The following ALK variants were observed in gnomAD, a reference collection of about 807,000 sequenced individuals.
The protein encoded by ALK is ALK receptor tyrosine kinase, also known as ALK tyrosine kinase receptor.
ALK carries 74 observed loss-of-function variants against 163.1 expected under a neutral mutation model. The observed-to-expected ratio is 0.45, with a 90% CI of 0.38 to 0.55. The LOEUF is 0.55. Ranked by LOEUF, ALK falls within the 20% of genes least tolerant of loss-of-function variation. ALK has a pLI of 0.00. For missense variants in ALK, 2,063 were observed against 2,105.3 expected (o/e 0.98, Z 0.39); for synonymous variants, 960 against 843.2 (o/e 1.14, Z -2.40).
chr2:29,881,495 T>C (rs931613674), intron 1 of ALK, among the ~76,000 whole-genome samples: 21 of 152,192 alleles, frequency 1.4e-4, no homozygotes, highest in South Asian at 2.1e-4. Flanking sequence ...GCAAAGGGCA[T>C]GGTGGCATTG....
At chr2:29,387,983 T>C (rs1234072789) in intron 4 of ALK, among the ~76,000 whole-genome samples, 1 of 152,214 alleles carries the variant, frequency 6.6e-6, no homozygotes, top group African/African-American at 2.4e-5. Flanking sequence ...TATGTCTACT[T>C]AGCATTGCTG....
chr2:29,387,718 A>G (rs1012286899), intron 4 of ALK, among the ~76,000 whole-genome samples: 1 of 152,230 alleles, frequency 6.6e-6, no homozygotes, highest in African/African-American at 2.4e-5. Flanking sequence ...TGGACAAATA[A>G]TATCCCACAG....
intron 4 of ALK, among the ~76,000 whole-genome samples, chr2:29,510,853 G>GTCTTCAGAAGTC (rs1254387840): frequency 1.3e-5 from 2 of 152,156 alleles, no homozygotes; most frequent in East Asian, 3.9e-4. Context: ...CATGAGGAAG[G>GTCTTCAGAAGTC]TGATTCGTGA....
rs146378227 is a variant in ALK, at chr2:29,720,673, A to G, written c.668-2976T>C. ...AAGTTCACAGAATACACATCAATGT[A>G]GAATATAAAGAACAAAATACTTCTG... On this transcript the variant is annotated intron_variant, in intron 1 of 28. Coordinates refer to ENST00000389048, the MANE Select transcript of ALK (RefSeq NM_004304.5). 1.1e-4 allele frequency among the ~76,000 whole-genome samples: 16 copies of G among 152,368 alleles called. No homozygotes were observed. The East Asian group carries it at 2.9e-3, about 28-fold the overall frequency.
At chr2:29,392,832 G>A (rs1298961175) in intron 4 of ALK, among the ~76,000 whole-genome samples, 2 of 152,200 alleles carry the variant, frequency 1.3e-5, no homozygotes, top group Non-Finnish European at 2.9e-5. Context: ...TTTACATGCC[G>A]TGAAATACCC....
chr2:29,267,712 C>T lies in ALK; in HGVS notation c.2041+7387G>A, dbSNP rs542230980. Among the ~76,000 whole-genome samples, 269 of 152,278 alleles carry T rather than the reference C, an allele frequency of 1.8e-3. 2 individuals carry two copies. Among genetic ancestry groups the T allele is most frequent in the African/African-American group, 6.2e-3 (257 of 41,546 alleles). Reference sequence around the variant, plus strand: ...TTTTACTCCTAGATTCACTGTCCACCTCCAGGCCCGGATGAATTAAAAAAA... The same window carrying T: ...TTTTACTCCTAGATTCACTGTCCACTTCCAGGCCCGGATGAATTAAAAAAA... On this transcript the variant is annotated intron_variant, in intron 11 of 28. Coordinates refer to ENST00000389048, the MANE Select transcript of ALK (RefSeq NM_004304.5).
intron 2 of ALK, among the ~76,000 whole-genome samples, chr2:29,716,410 G>A (rs1367720440): frequency 6.6e-6 from 1 of 152,208 alleles, no homozygotes; most frequent in African/African-American, 2.4e-5. Context: ...GTTCACCCTA[G>A]AGGAGTTCAA....
At chr2:29,812,714 G>A (rs991638623) in intron 1 of ALK, among the ~76,000 whole-genome samples, 4 of 152,106 alleles carry the variant, frequency 2.6e-5, no homozygotes, top group South Asian at 2.1e-4. Flanking sequence ...AGGGGAGAAG[G>A]TCACCTGTCC....
At chr2:29,295,939 G>C (rs1378679560) in intron 9 of ALK, among the ~76,000 whole-genome samples, 1 of 152,184 alleles carries the variant, frequency 6.6e-6, no homozygotes, top group Non-Finnish European at 1.5e-5. Flanking sequence ...GTCTGGAACA[G>C]ATCAGCACCC....
At chr2:29,326,398 C>T (rs1177378173) in intron 6 of ALK, among the ~76,000 whole-genome samples, 1 of 152,166 alleles carries the variant, frequency 6.6e-6, no homozygotes, top group African/African-American at 2.4e-5. Context: ...ATGGCCTGCC[C>T]GACCTGTGTC....
chr2:29,221,128 G>A, intron 22 of ALK: 1 of 576,802 alleles, frequency 1.7e-6, no homozygotes. Flanking sequence ...GGGCAGGAGA[G>A]TGTCTTTCTC....
chr2:29,256,714 G>A (rs1204044175), intron 11 of ALK, among the ~76,000 whole-genome samples: 1 of 152,090 alleles, frequency 6.6e-6, no homozygotes, highest in Admixed American at 6.5e-5. Context: ...CCACTATGAG[G>A]GGACAGGTGA....
Position 29,226,987 on chromosome 2 carries a change from C to A in ALK, c.3002G>T (p.Ser1001Ile), listed in dbSNP as rs997289275. Residue 1001 changes from serine (S) to isoleucine (I), a missense_variant, in exon 18 of 29, where the codon AGC becomes ATC. This residue lies in a region of ALK where 575 missense variants were observed against 626.6 expected (regional missense o/e 0.92). Coordinates refer to ENST00000389048, the MANE Select transcript of ALK (RefSeq NM_004304.5). ...EVDECHMDPESHKVICFCDHG... is the reference protein window; with the variant it reads ...EVDECHMDPEIHKVICFCDHG... ...GTCACAGAAGCAGATGACCTTGTGGCTTTCAGGGTCCATGTGACATTCGTC... is the reference window on the plus strand; with the variant it reads ...GTCACAGAAGCAGATGACCTTGTGGATTTCAGGGTCCATGTGACATTCGTC... 1 of 1,614,200 alleles carries A rather than the reference C, an allele frequency of 6.2e-7. No homozygotes were observed. Among genetic ancestry groups the A allele is most frequent in the South Asian group, 1.1e-5 (1 of 91,086 alleles).
At chr2:29,919,842 G>T (rs758418424) in intron 1 of ALK, 151 bp downstream of exon 1, 7 of 991,714 alleles carry the variant, frequency 7.1e-6, no homozygotes, top group South Asian at 1.7e-5. Context: ...ACTACGGTCT[G>T]ATTCGGGAAG....
chr2:29,884,377 A>G (rs1400914491), intron 1 of ALK, among the ~76,000 whole-genome samples: 2 of 152,192 alleles, frequency 1.3e-5, no homozygotes, highest in Non-Finnish European at 2.9e-5. Flanking sequence ...TACAAGAAAA[A>G]GATGAATTGC....
intron 3 of ALK, among the ~76,000 whole-genome samples, chr2:29,606,397 T>C (rs565405219): frequency 2.0e-5 from 3 of 152,202 alleles, no homozygotes; most frequent in Non-Finnish European, 4.4e-5. Flanking sequence ...AGAAATGGGA[T>C]CTACATGGGC....
At chr2:29,289,174 A>G (rs1353117900) in intron 9 of ALK, among the ~76,000 whole-genome samples, 1 of 152,074 alleles carries the variant, frequency 6.6e-6, no homozygotes, top group African/African-American at 2.4e-5. Context: ...TGAGAATGCC[A>G]TCCCTCTTCT....
chr2:29,750,705 C>CAGGA (rs1558471770), intron 1 of ALK, among the ~76,000 whole-genome samples: 4 of 117,786 alleles, frequency 3.4e-5, no homozygotes, highest in East Asian at 5.3e-4. Context: ...GGAAGGCAGG[C>CAGGA]AGGCAGGAAG....
intron 28 of ALK, among the ~76,000 whole-genome samples, chr2:29,196,256 A>C (rs546625689): frequency 1.3e-4 from 20 of 152,384 alleles, no homozygotes; most frequent in African/African-American, 4.8e-4. Flanking sequence ...TGATTTGTGC[A>C]GTATGAATGA....
Sources: allele counts gnomAD v4.1 joint callset (sites outside exome capture counted in the v4.1 genomes callset), GRCh38; gene constraint gnomAD v4.1.1; regional missense constraint gnomAD v4.1.1; transcripts MANE v1.5; gene names NCBI Gene and HGNC (gene_info 2026-07-23, HGNC 2026-07-21).